Variants in KDELR3 observed in about 807,000 individuals in gnomAD.
KDELR3 encodes the protein ER lumen protein-retaining receptor 3.
Under a neutral mutation model 22.7 loss-of-function variants are expected in KDELR3, and 26 were observed. The ratio of observed to expected loss-of-function variants is 1.15; its 90% CI spans 0.84 to 1.59. The LOEUF (loss-of-function observed/expected upper bound fraction) is 1.59. Ranked by LOEUF, KDELR3 falls within the 40% of genes most tolerant of loss-of-function variation. The probability of loss-of-function intolerance (pLI) is 0.00; values close to 1 mark genes in which losing one functional copy is unlikely to be tolerated. For missense variants in KDELR3, 289 were observed against 251.1 expected, an observed-to-expected ratio of 1.15 and a Z score of -1.02; for synonymous variants, 120 against 98.2, an observed-to-expected ratio of 1.22 and a Z score of -1.31.
intron 4 of KDELR3, chr22:38,481,760 G>A: frequency 2.5e-6 from 2 of 800,600 alleles, no homozygotes; most frequent in Middle Eastern, 4.2e-4. Flanking sequence ...CCACCAGCTT[G>A]GTGTGATGGA....
chr22:38,470,243 C>T (rs1163146029), intron 1 of KDELR3, among the ~76,000 whole-genome samples: 3 of 151,888 alleles, frequency 2.0e-5, no homozygotes, highest in Admixed American at 2.0e-4. Context: ...CCTGCTTCAG[C>T]CTTCCAAGTA....
rs369494415 is a variant in KDELR3 at position 38,474,598 on chromosome 22, T to C, written c.167T>C (p.Ile56Thr). The stretch of plus-strand genomic sequence containing the variant: ...TACCTGGACCTGTTCACCAACTTCA[T>C]CTCCATCTACAACACAGTAATGAAG... Reference protein sequence around the residue: ...TRYLDLFTNFISIYNTVMKVV... With the variant: ...TRYLDLFTNFTSIYNTVMKVV... Residue 56 changes from isoleucine to threonine, a missense_variant, in exon 2 of 5, where the codon ATC becomes ACC. Physicochemically the swap from Ile to Thr is moderately conservative, Grantham distance 89. Transcript: ENST00000216014. The C allele has an allele frequency of 1.2e-6, 2 of 1,613,642 alleles. No individual in the cohort carries two copies. The highest frequency in any genetic ancestry group is 1.7e-6 in the Non-Finnish European group (2 of 1,179,780).
In KDELR3 at chr22:38,483,435, A is replaced by C. The variant is rs2089620947; in HGVS notation, c.*899A>C. On this transcript the variant is annotated 3_prime_UTR_variant, in exon 5 of 5. Transcript: ENST00000216014. Reference sequence around the variant, plus strand: ...AGAGAATTAAGCAATAAAAGCTCACACCTTATTGTCAACAGTGTTTTTATT... The same window carrying C: ...AGAGAATTAAGCAATAAAAGCTCACCCCTTATTGTCAACAGTGTTTTTATT... The C allele has an allele frequency of 6.6e-6, 1 of 152,358 alleles. No individual in the cohort carries two copies. Among genetic ancestry groups the C allele is most frequent in the South Asian group, 2.1e-4 (1 of 4,836 alleles). 9.4% of individuals were successfully genotyped at this position (152,358 alleles called of 1,614,324 possible). A position where few individuals can be genotyped will look rare whatever the true frequency, so the allele number is the denominator to read the frequency against.
At chr22:38,473,634 T>A (rs1423388292) in intron 1 of KDELR3, among the ~76,000 whole-genome samples, 1 of 152,266 alleles carries the variant, frequency 6.6e-6, no homozygotes, top group African/African-American at 2.4e-5. Context: ...TGTTTGATTT[T>A]TGTTTTGCAA....
intron 3 of KDELR3, among the ~76,000 whole-genome samples, chr22:38,480,576 T>C (rs2089592596): frequency 6.6e-6 from 1 of 151,568 alleles, no homozygotes; most frequent in Non-Finnish European, 1.5e-5. Flanking sequence ...TGAAACCCTG[T>C]CTCTACTGAA....
intron 4 of KDELR3, chr22:38,481,725 GAACTTATT>G (rs1243953883): frequency 2.1e-5 from 25 of 1,195,006 alleles, no homozygotes; most frequent in Non-Finnish European, 2.6e-5. Context: ...AAACATTCCA[GAACTTATT>G]ACAAGCCCCA....
At chr22:38,481,517 C>T (rs767201462) in intron 4 of KDELR3, 53 bp downstream of exon 4, 2 of 1,611,312 alleles carry the variant, frequency 1.2e-6, no homozygotes, top group South Asian at 2.2e-5. Flanking sequence ...GTTACTCATC[C>T]ATTTAATAAG....
In KDELR3 at chr22:38,468,146, C is replaced by A; in HGVS notation, c.-88C>A. The A allele has an allele frequency of 8.4e-7, 1 of 1,195,176 alleles. No individual in the cohort carries two copies. The highest frequency in any genetic ancestry group is 1.5e-5 in the African/African-American group (1 of 66,694). The allele number at this position is 1,195,176 out of a possible 1,614,324, so 74.0% of individuals were successfully genotyped here. A position where few individuals can be genotyped will look rare whatever the true frequency, so the allele number is the denominator to read the frequency against. On this transcript the variant is annotated 5_prime_UTR_variant, in exon 1 of 5. Transcript: ENST00000216014. ...GCAGGGCTCTGGGGCACCTAGAGAC[C>A]GGGGCCGGAGACGTGGCAGCCGCCC...
At chr22:38,468,816 G>C (rs534256075) in intron 1 of KDELR3, among the ~76,000 whole-genome samples, 1 of 152,336 alleles carries the variant, frequency 6.6e-6, no homozygotes, top group South Asian at 2.1e-4. Flanking sequence ...TGGCAGGAGG[G>C]CACCAGCCGG....
intron 2 of KDELR3, among the ~76,000 whole-genome samples, chr22:38,474,890 C>G (rs1489161805): frequency 6.6e-6 from 1 of 151,380 alleles, no homozygotes; most frequent in Non-Finnish European, 1.5e-5. Flanking sequence ...ACCATCCTGG[C>G]TAACAAGGTG....
chr22:38,479,586 C>T lies in KDELR3; in HGVS notation c.193-7C>T, dbSNP rs2089584049. On this transcript the variant is annotated splice_polypyrimidine_tract_variant and splice_region_variant and intron_variant, in intron 2 of 4. Coordinates refer to ENST00000216014, the MANE Select transcript of KDELR3 (RefSeq NM_006855.4). ...GATTCGATTCCCATGTCTCTCTCCC[C>T]TTTTAGGTGGTTTTTCTCCTCTGTG... 2 of 1,611,280 alleles carry T rather than the reference C, an allele frequency of 1.2e-6. No individual in the cohort carries two copies. Among genetic ancestry groups the T allele is most frequent in the East Asian group, 4.5e-5 (2 of 44,844 alleles).
chr22:38,479,021 A>G (rs1316158789), intron 2 of KDELR3, among the ~76,000 whole-genome samples: 3 of 152,096 alleles, frequency 2.0e-5, no homozygotes, highest in African/African-American at 7.2e-5. Flanking sequence ...TGAAATCATT[A>G]TATGCCAGAG....
At chr22:38,477,265 G>A (rs578128503) in intron 2 of KDELR3, among the ~76,000 whole-genome samples, 84 of 151,128 alleles carry the variant, frequency 5.6e-4, no homozygotes, top group Non-Finnish European at 1.1e-3. Context: ...GTGCAGTGGT[G>A]TGATCTCGGC....
Position 38,479,753 on chromosome 22 carries a change from T to C in KDELR3, c.351+2T>C. ...AACTACAGTTTCACTCTGCTGGAGG[T>C]AAGGGAATGGACTGAGTACCAGTTC... On this transcript the variant is annotated splice_donor_variant, in intron 3 of 4. Coordinates refer to ENST00000216014, the MANE Select transcript of KDELR3 (RefSeq NM_006855.4). LOFTEE classifies it high-confidence loss of function. 2 of 1,614,064 alleles carry C rather than the reference T, an allele frequency of 1.2e-6. No individual in the cohort carries two copies. Among genetic ancestry groups the C allele is most frequent in the Non-Finnish European group, 1.7e-6 (2 of 1,179,956 alleles).
intron 4 of KDELR3, among the ~76,000 whole-genome samples, chr22:38,482,238 CTGATT>C (rs751032429): frequency 6.6e-6 from 1 of 152,152 alleles, no homozygotes; most frequent in Non-Finnish European, 1.5e-5. Context: ...AGAAGGACTG[CTGATT>C]TGATTGTATG....
intron 4 of KDELR3, chr22:38,481,737 A>G (rs1569134134): frequency 2.7e-6 from 3 of 1,108,896 alleles, no homozygotes. Context: ...ACTTATTACA[A>G]GCCCCAAGGC....
chr22:38,474,790 T>C (rs1371236921), intron 2 of KDELR3, among the ~76,000 whole-genome samples, 167 bp downstream of exon 2: 2 of 152,196 alleles, frequency 1.3e-5, no homozygotes, highest in African/African-American at 2.4e-5. Context: ...TGTATGTCAG[T>C]GTCCTCGTGC....
At position 38,482,677 on chromosome 22, in the gene KDELR3, C is replaced by T; in HGVS notation, c.*141C>T. ...AGTGTGGATTTCAGCAAAACCTGAT[C>T]ATCCCACCCAGAAGACCTTCTCATC... On this transcript the variant is annotated 3_prime_UTR_variant, in exon 5 of 5. Coordinates refer to ENST00000216014, the MANE Select transcript of KDELR3 (RefSeq NM_006855.4). 1 of 715,242 alleles carries T rather than the reference C, an allele frequency of 1.4e-6. No homozygotes were observed. Among genetic ancestry groups the T allele is most frequent in the Non-Finnish European group, 2.4e-6 (1 of 417,814 alleles). The allele number at this position is 715,242 out of a possible 1,614,324, so 44.3% of individuals were successfully genotyped here. A position where few individuals can be genotyped will look rare whatever the true frequency, so the allele number is the denominator to read the frequency against.
rs540203697 is a variant in KDELR3 at position 38,468,529 on chromosome 22, G to A, written c.91+205G>A. On this transcript the variant is annotated intron_variant, in intron 1 of 4. Transcript: ENST00000216014. Reference sequence around the variant, plus strand: ...AGGACCCCTCGAGATGATGGGAGGCGGGTGGGTTTGTTCCTGCACAGACGC... The same window carrying A: ...AGGACCCCTCGAGATGATGGGAGGCAGGTGGGTTTGTTCCTGCACAGACGC... Among the ~76,000 whole-genome samples, 6 of 152,306 alleles carry A rather than the reference G, an allele frequency of 3.9e-5. No homozygotes were observed. In the South Asian group the frequency reaches 1.0e-3, roughly 26 times the overall value.
Sources: allele counts gnomAD v4.1 joint callset (sites outside exome capture counted in the v4.1 genomes callset), GRCh38; gene constraint gnomAD v4.1.1; transcripts MANE v1.5; gene names NCBI Gene and HGNC (gene_info 2026-07-23, HGNC 2026-07-21).